SUSD5: variants seen among roughly 807,000 people sequenced by gnomAD.
The protein encoded by SUSD5 is sushi domain-containing protein 5.
SUSD5 carries 33 observed loss-of-function variants against 29.5 expected under a neutral mutation model. The ratio of observed to expected loss-of-function variants is 1.12; its 90% CI spans 0.85 to 1.49. The LOEUF (loss-of-function observed/expected upper bound fraction) is 1.49. Among genes scored for constraint, SUSD5 ranks in the 40% most tolerant of loss-of-function variants. The probability of loss-of-function intolerance (pLI) is 0.00; values close to 1 mark genes in which losing one functional copy is unlikely to be tolerated. For synonymous variants in SUSD5, 308 were observed against 325.3 expected, an observed-to-expected ratio of 0.95 and a Z score of 0.57; for missense variants, 776 against 800.6, an observed-to-expected ratio of 0.97 and a Z score of 0.37.
chr3:33,179,649 G>A (rs887751930), intron 3 of SUSD5, among the ~76,000 whole-genome samples: 13 of 152,148 alleles, frequency 8.5e-5, no homozygotes, highest in South Asian at 2.1e-4. Context: ...CAAGTTTTAC[G>A]GCTTGCTTTG....
Position 33,151,800 on chromosome 3 carries a change from A to C in SUSD5, c.*942T>G, listed in dbSNP as rs567556368. 1.3e-5 allele frequency: 2 copies of C among 152,330 alleles called. No individual in the cohort carries two copies. The highest frequency in any genetic ancestry group is 3.9e-4 in the East Asian group (2 of 5,186). 9.4% of individuals were successfully genotyped at this position (152,330 alleles called of 1,614,324 possible). A position where few individuals can be genotyped will look rare whatever the true frequency, so the allele number is the denominator to read the frequency against. On this transcript the variant is annotated 3_prime_UTR_variant, in exon 5 of 5. Transcript: ENST00000309558. ...GAAATATTGAAAATAAAATAAAATA[A>C]ATGACAGACTGTCCCACAGAATGGA... is the stretch of plus-strand genomic sequence containing the variant.
chr3:33,160,241 C>G (rs1295327000), intron 4 of SUSD5, among the ~76,000 whole-genome samples: 1 of 152,130 alleles, frequency 6.6e-6, no homozygotes, highest in Non-Finnish European at 1.5e-5. Flanking sequence ...TCCCACAGTG[C>G]TGAGATTACA....
At chr3:33,163,924 C>T (rs1028194674) in intron 4 of SUSD5, among the ~76,000 whole-genome samples, 25 of 152,088 alleles carry the variant, frequency 1.6e-4, no homozygotes, top group African/African-American at 5.8e-4. Context: ...GGTGTGAACC[C>T]GGGAGGCGGA....
Position 33,175,000 on chromosome 3 carries a change from C to CA in SUSD5, c.483dup (p.Glu162Ter). 1 of 1,614,034 alleles carries CA rather than the reference C, an allele frequency of 6.2e-7. No individual in the cohort carries two copies. ...CCTGGGGCACACACGTACAGCAGTTCATCCCCCATTTCCAAGCCGGTGCGG... is the reference window on the plus strand; with the variant it reads ...CCTGGGGCACACACGTACAGCAGTTCAATCCCCCATTTCCAAGCCGGTGCGG... On this transcript the variant is annotated frameshift_variant, in exon 4 of 5. Transcript: ENST00000309558. LOFTEE classifies it high-confidence loss of function.
intron 3 of SUSD5, among the ~76,000 whole-genome samples, chr3:33,197,580 C>A (rs2032019322): frequency 6.6e-6 from 1 of 152,064 alleles, no homozygotes; most frequent in Non-Finnish European, 1.5e-5. Context: ...AGGTATAGAA[C>A]AATTCTTAAA....
chr3:33,165,093 C>T (rs1311593940), intron 4 of SUSD5, among the ~76,000 whole-genome samples: 2 of 151,890 alleles, frequency 1.3e-5, no homozygotes, highest in Non-Finnish European at 2.9e-5. Context: ...AACATGGTCA[C>T]CAAAAGACCT....
chr3:33,175,096 T>TA lies in SUSD5; in HGVS notation c.410-23dup, dbSNP rs769943019. On this transcript the variant is annotated intron_variant, in intron 3 of 4. Transcript: ENST00000309558. ...TTCTCTGAGGAGAAGGAATCACAGT[T>TA]AGCTTTTCCAAACTGTGCGGAACTT... 5.6e-6 allele frequency: 9 copies of TA among 1,612,924 alleles called. No homozygotes were observed. The East Asian group carries it at 2.0e-4, about 36-fold the overall frequency.
chr3:33,181,154 AATTT>A (rs1031049720), intron 3 of SUSD5, among the ~76,000 whole-genome samples: 1 of 152,028 alleles, frequency 6.6e-6, no homozygotes, highest in Admixed American at 6.5e-5. Flanking sequence ...AACTAAAGCT[AATTT>A]ATTACTGATG....
rs918029937 is a variant in SUSD5, at chr3:33,168,970, C to G, written c.598+5916G>C. Among the ~76,000 whole-genome samples, 3 of 151,860 alleles carry G rather than the reference C, an allele frequency of 2.0e-5. No homozygotes were observed. The South Asian group carries it at 6.2e-4, about 32-fold the overall frequency. ...TGGCCAGACATGCCTGGTTTTAAACCCCGGCTCTGCTTCTTTCTGGTGTCT... is the reference window on the plus strand; with the variant it reads ...TGGCCAGACATGCCTGGTTTTAAACGCCGGCTCTGCTTCTTTCTGGTGTCT... On this transcript the variant is annotated intron_variant, in intron 4 of 4. Transcript: ENST00000309558.
Position 33,207,790 on chromosome 3 carries a change from G to A in SUSD5, c.409+18C>T. On this transcript the variant is annotated intron_variant, in intron 3 of 4. Coordinates refer to ENST00000309558, the MANE Select transcript of SUSD5 (RefSeq NM_015551.2). ...AGAGCACACCCTCCAGCACCTTTAA[G>A]AAGACTCTGGCACTGACCTTCATCC... 6.4e-7 allele frequency: 1 copy of A among 1,565,618 alleles called. No individual in the cohort carries two copies. Among genetic ancestry groups the A allele is most frequent in the Non-Finnish European group, 8.8e-7 (1 of 1,141,006 alleles).
chr3:33,177,219 C>T (rs2031571132), intron 3 of SUSD5, among the ~76,000 whole-genome samples: 1 of 152,132 alleles, frequency 6.6e-6, no homozygotes, highest in Non-Finnish European at 1.5e-5. Context: ...CTTAGCATTC[C>T]AACAATGGAA....
At chr3:33,215,096 A>T (rs1249726148) in intron 1 of SUSD5, among the ~76,000 whole-genome samples, 1 of 151,964 alleles carries the variant, frequency 6.6e-6, no homozygotes, top group Non-Finnish European at 1.5e-5. Context: ...TTATAATAAA[A>T]ATACAAAAAA....
intron 3 of SUSD5, among the ~76,000 whole-genome samples, chr3:33,179,579 G>A (rs919221698): frequency 6.6e-6 from 1 of 152,202 alleles, no homozygotes; most frequent in Non-Finnish European, 1.5e-5. Context: ...GGTAGGTCAA[G>A]TTATTTCTTT....
intron 3 of SUSD5, among the ~76,000 whole-genome samples, chr3:33,179,086 T>A (rs1442836264): frequency 6.6e-6 from 1 of 152,216 alleles, no homozygotes; most frequent in African/African-American, 2.4e-5. Flanking sequence ...TGGAAGGTAA[T>A]TAGTTATTGA....
At position 33,204,459 on chromosome 3, in the gene SUSD5, G is replaced by A. The variant is rs1238418142; in HGVS notation, c.409+3349C>T. On this transcript the variant is annotated intron_variant, in intron 3 of 4. Coordinates refer to ENST00000309558, the MANE Select transcript of SUSD5 (RefSeq NM_015551.2). This position sits in a 1 kb window ranked among gnomAD's most constrained non-coding sequence, Gnocchi z 4.5. ...CCTCAGCCTCCCGAGCAGCTGGGAC[G>A]ACAGGTGCCCACTACCACACCCGGC... Among the ~76,000 whole-genome samples the A allele has an allele frequency of 6.6e-6, 1 of 150,708 alleles. No individual in the cohort carries two copies. The highest frequency in any genetic ancestry group is 6.6e-5 in the Admixed American group (1 of 15,104).
Position 33,153,644 on chromosome 3 carries a change from C to T in SUSD5, c.988G>A (p.Val330Ile), listed in dbSNP as rs745331449. 2.5e-6 allele frequency: 4 copies of T among 1,613,900 alleles called. No homozygotes were observed. In the African/African-American group the frequency reaches 5.3e-5, roughly 22 times the overall value. The part of the protein sequence containing the change: ...AGDNHSGVKL[V>I]PGEPETKVIY... The stretch of plus-strand genomic sequence containing the variant: ...ACCTTGGTTTCAGGTTCACCTGGGA[C>T]CAATTTTACACCACTGTGGTTGTCT... Residue 330 changes from valine (V) to isoleucine (I), a missense_variant, in exon 5 of 5, where the codon GTC becomes ATC. Transcript: ENST00000309558.
rs768542869 is a variant in SUSD5 at position 33,153,381 on chromosome 3, A to C, written c.1251T>G (p.Val417=). 1 of 1,613,746 alleles carries C rather than the reference A, an allele frequency of 6.2e-7. No individual in the cohort carries two copies. The highest frequency in any genetic ancestry group is 8.5e-7 in the Non-Finnish European group (1 of 1,179,794). The part of the protein sequence containing the change: ...VTPDQPILVE[V]KKPKSSTLTP... ...TGAGGGTGCTACTCTTGGGCTTCTT[A>C]ACTTCCACAAGAATGGGCTGATCAG... is the stretch of plus-strand genomic sequence containing the variant. Residue 417 remains valine (V), a synonymous_variant, in exon 5 of 5, where the codon GTT becomes GTG. Transcript: ENST00000309558.
chr3:33,161,457 G>A (rs1397581711), intron 4 of SUSD5, among the ~76,000 whole-genome samples: 1 of 148,528 alleles, frequency 6.7e-6, no homozygotes, highest in Non-Finnish European at 1.5e-5. Context: ...GGAAAGCAGA[G>A]AAAAAGGAAC....
chr3:33,163,438 A>G (rs1158344165), intron 4 of SUSD5, among the ~76,000 whole-genome samples: 2 of 152,186 alleles, frequency 1.3e-5, no homozygotes, highest in Non-Finnish European at 2.9e-5. Flanking sequence ...CATTGGTTTA[A>G]TATTTGAAAA....
Sources: gnomAD v4.1 joint callset for allele counts (sites outside exome capture counted in the v4.1 genomes callset) on GRCh38, gnomAD v4.1.1 for gene constraint, Gnocchi (gnomAD v3.1) non-coding constraint, MANE v1.5 for transcripts, NCBI Gene and HGNC (gene_info 2026-07-23, HGNC 2026-07-21) for gene names.